Variants in HEPH observed in about 807,000 individuals in gnomAD.
HEPH encodes hephaestin.
HEPH carries 69 observed loss-of-function variants against 80.8 expected under a neutral mutation model. That is an observed-to-expected ratio of 0.85 (90% CI 0.70 to 1.04). HEPH has a LOEUF of 1.04. Ranked by LOEUF, HEPH falls within the 50% of genes least tolerant of loss-of-function variation. The pLI, the probability that HEPH is intolerant of heterozygous loss-of-function variation, is 0.00. For missense variants in HEPH, 1,115 were observed against 891.3 expected (o/e 1.25, Z -3.20); for synonymous variants, 431 against 322.8 (o/e 1.34, Z -3.60).
intron 14 of HEPH, among the ~76,000 whole-genome samples, chrX:66,207,891 T>C (rs996371879): frequency 9.9e-5 from 11 of 111,008 alleles, no homozygotes; most frequent in African/African-American, 3.3e-4. Flanking sequence ...ATTGGAAGTA[T>C]AATCTTGTCA....
At chrX:66,196,095 G>A (rs767651826) in intron 9 of HEPH, among the ~76,000 whole-genome samples, 13 of 111,245 alleles carry the variant, frequency 1.2e-4, no homozygotes, top group African/African-American at 4.2e-4. Context: ...TGTAAAAATA[G>A]CTTTAGGAGA....
Position 66,203,500 on chromosome X carries a change from G to A in HEPH, c.2214G>A (p.Met738Ile). The change falls in exon 13 of 21, where the codon ATG (methionine) becomes ATA (isoleucine). Residue 738 changes from methionine (M) to isoleucine (I), a missense_variant. By Grantham distance (10) the Met-to-Ile change is conservative. Coordinates refer to ENST00000343002, the MANE Select transcript of HEPH (RefSeq NM_001367233.3). ...RYQAARIYYI[M>I]AEEVEWDYCP... ...AAGCTGCAAGAATCTACTATATCATGGCAGAAGAAGTAGAGTGGGACTATT... is the reference window on the plus strand; with the variant it reads ...AAGCTGCAAGAATCTACTATATCATAGCAGAAGAAGTAGAGTGGGACTATT... 8.3e-7 allele frequency: 1 copy of A among 1,211,650 alleles called. No homozygotes were observed. Among genetic ancestry groups the A allele is most frequent in the Non-Finnish European group, 1.1e-6 (1 of 895,332 alleles).
intron 10 of HEPH, 96 bp downstream of exon 10, chrX:66,197,990 T>C (rs1322136519): frequency 1.4e-6 from 1 of 708,495 alleles, no homozygotes; most frequent in Non-Finnish European, 2.1e-6. Context: ...TTCTAAAGTT[T>C]AGGGAATAGA....
At chrX:66,246,417 C>T (rs1186084009) in intron 15 of HEPH, among the ~76,000 whole-genome samples, 1 of 111,379 alleles carries the variant, frequency 9.0e-6, no homozygotes, top group East Asian at 2.8e-4. Flanking sequence ...TGATGAGGGG[C>T]AGTAGAGCAA....
intron 15 of HEPH, among the ~76,000 whole-genome samples, chrX:66,238,170 G>A (rs2090434579): frequency 9.0e-6 from 1 of 111,130 alleles, no homozygotes; most frequent in Non-Finnish European, 1.9e-5. Context: ...ATATTAGCTG[G>A]TTATTATGCA....
rs1375639714 is a variant in HEPH at position 66,258,949 on chromosome X, C to A, written c.3006C>A (p.Ile1002=). ...AMGQDVDLHT[I]HFHAESFLYR... is the part of the protein sequence containing the mutation. ...GCCAAGATGTGGATCTACACACCAT[C>A]CACTTTCATGCAGAGAGCTTCCTCT... Residue 1002 remains isoleucine, a synonymous_variant, in exon 18 of 21, where the codon ATC becomes ATA. Transcript: ENST00000343002. 8.3e-7 allele frequency: 1 copy of A among 1,203,045 alleles called. No individual in the cohort carries two copies. Among genetic ancestry groups the A allele is most frequent in the Non-Finnish European group, 1.1e-6 (1 of 891,794 alleles).
At chrX:66,205,218 A>G (rs1319718786) in intron 13 of HEPH, among the ~76,000 whole-genome samples, 2 of 111,891 alleles carry the variant, frequency 1.8e-5, no homozygotes, top group Non-Finnish European at 3.8e-5. Flanking sequence ...TACAGATCCC[A>G]TCACATAGGT....
At chrX:66,268,251 T>A (rs185529098), downstream of HEPH, 3 of 112,257 alleles carry the variant, frequency 2.7e-5, no homozygotes, top group African/African-American at 9.7e-5. Context: ...TTTCTGTCTG[T>A]CCAGCAATCT....
Sources: allele counts gnomAD v4.1 joint callset (sites outside exome capture counted in the v4.1 genomes callset), GRCh38; gene constraint gnomAD v4.1.1; transcripts MANE v1.5; gene names NCBI Gene and HGNC (gene_info 2026-07-23, HGNC 2026-07-21).